R3HDM1: variants seen among roughly 807,000 people sequenced by gnomAD.
R3HDM1 encodes the protein R3H domain containing 1.
Under a neutral mutation model 141.1 loss-of-function variants are expected in R3HDM1, and 46 were observed. That is an observed-to-expected ratio of 0.33 (90% CI 0.26 to 0.42). The LOEUF is 0.42. R3HDM1 is among the 10% of genes least tolerant of loss of function. R3HDM1 has a pLI of 1.00. For missense variants in R3HDM1, 1,184 were observed against 1,368.3 expected, an observed-to-expected ratio of 0.87 and a Z score of 2.12; for synonymous variants, 435 against 472.9, an observed-to-expected ratio of 0.92 and a Z score of 1.04.
Position 135,661,300 on chromosome 2 carries a change from T to TA in R3HDM1, c.2060dup (p.Tyr687Ter). The change falls in exon 19 of 27, where the codon TAT becomes TAAT. Residue 687 changes from tyrosine to a stop codon, truncating the protein, a stop_gained and frameshift_variant. Transcript: ENST00000683871. LOFTEE classifies it high-confidence loss of function. ...AGCCTGTTATTGCGCTCCAGGCCAC[T>TA]ATCACTCCAGCCAACCTCAGTATCG... ...MPACYCAPGH[Y>*]HSSQPQYRPV... 6.2e-7 allele frequency: 1 copy of TA among 1,614,136 alleles called. No individual in the cohort carries two copies. The highest frequency in any genetic ancestry group is 8.5e-7 in the Non-Finnish European group (1 of 1,179,974).
intron 1 of R3HDM1, among the ~76,000 whole-genome samples, chr2:135,554,976 A>G (rs902174889): frequency 2.0e-5 from 3 of 152,172 alleles, no homozygotes; most frequent in Admixed American, 6.5e-5. Flanking sequence ...TTGATGACAC[A>G]CACTCCTGCT....
At chr2:135,679,820 C>A (rs915500040) in intron 20 of R3HDM1, among the ~76,000 whole-genome samples, 2 of 152,208 alleles carry the variant, frequency 1.3e-5, no homozygotes, top group African/African-American at 4.8e-5. Context: ...TGGCTCACTC[C>A]TGTAATCCCA....
Position 135,554,166 on chromosome 2 carries a change from TC to T in R3HDM1, c.-250+22536del, listed in dbSNP as rs1314350683. On this transcript the variant is annotated intron_variant, in intron 1 of 26. Transcript: ENST00000683871. The stretch of plus-strand genomic sequence containing the variant: ...AAAGAAACCCCATACCCATTAGCAG[TC>T]CCTTCCACATTCTCCCTCTTCCCCA... Among the ~76,000 whole-genome samples the T allele has an allele frequency of 1.0e-3, 153 of 152,318 alleles. 1 individual carries two copies. Among genetic ancestry groups the T allele is most frequent in the African/African-American group, 3.5e-3 (145 of 41,574 alleles).
chr2:135,586,763 T>C, intron 1 of R3HDM1: 5 of 985,328 alleles, frequency 5.1e-6, no homozygotes, highest in Non-Finnish European at 6.0e-6. Flanking sequence ...ACATGTTTGA[T>C]ATTTCTTGTA....
At chr2:135,546,044 C>T (rs760619125) in intron 1 of R3HDM1, among the ~76,000 whole-genome samples, 1 of 152,200 alleles carries the variant, frequency 6.6e-6, no homozygotes, top group Non-Finnish European at 1.5e-5. Context: ...AGATGCCTGG[C>T]TCATGCCTTT....
intron 1 of R3HDM1, among the ~76,000 whole-genome samples, chr2:135,580,602 A>G (rs1377720007): frequency 1.3e-5 from 2 of 151,954 alleles, no homozygotes; most frequent in African/African-American, 2.4e-5. Context: ...TGTACATGTC[A>G]CTCTCCTAAT....
chr2:135,723,867 T>G, intron 26 of R3HDM1, 70 bp from the exon 27 acceptor site: 4 of 1,120,878 alleles, frequency 3.6e-6, no homozygotes, highest in Non-Finnish European at 5.2e-6. Context: ...CATATTTGGG[T>G]CTGCAGTGCT....
At chr2:135,658,009 T>C (rs1404377785) in intron 18 of R3HDM1, among the ~76,000 whole-genome samples, 1 of 152,214 alleles carries the variant, frequency 6.6e-6, no homozygotes, top group African/African-American at 2.4e-5. Flanking sequence ...ACCTAGGTTA[T>C]ATGGTATAGC....
chr2:135,650,640 AT>A, intron 17 of R3HDM1: 5 of 982,584 alleles, frequency 5.1e-6, no homozygotes, highest in South Asian at 4.7e-5. Flanking sequence ...TCATAGGTAC[AT>A]TTTTTTTCCT....
intron 1 of R3HDM1, among the ~76,000 whole-genome samples, chr2:135,567,157 T>A (rs1702978964): frequency 6.6e-6 from 1 of 152,168 alleles, no homozygotes; most frequent in Non-Finnish European, 1.5e-5. Context: ...ATGAATTTTT[T>A]GCAGTAACTG....
At position 135,625,343 on chromosome 2, in the gene R3HDM1, G is replaced by A. The variant is rs141143472; in HGVS notation, c.497+2611G>A. Among the ~76,000 whole-genome samples the A allele has an allele frequency of 6.2e-4, 94 of 152,244 alleles. 1 individual carries two copies. The East Asian group carries it at 0.016, about 26-fold the overall frequency. Reference sequence around the variant, plus strand: ...GCCTGTAATCCTAGCTACTTGGGAGGCTGAAGCAGGAGAACTGCTTGAATC... The same window carrying A: ...GCCTGTAATCCTAGCTACTTGGGAGACTGAAGCAGGAGAACTGCTTGAATC... On this transcript the variant is annotated intron_variant, in intron 7 of 26. Coordinates refer to ENST00000683871, the MANE Select transcript of R3HDM1 (RefSeq NM_001378107.1).
At position 135,558,206 on chromosome 2, in the gene R3HDM1, A is replaced by G. The variant is rs1280451246; in HGVS notation, c.-250+26573A>G. ...GTATACAGTGATGGAATTGTTTCGT[A>G]TCTGCACTGCTCAACATGGTGGCCA... On this transcript the variant is annotated intron_variant, in intron 1 of 26. Transcript: ENST00000683871. Among the ~76,000 whole-genome samples, 6 of 152,356 alleles carry G rather than the reference A, an allele frequency of 3.9e-5. No homozygotes were observed. In the South Asian group the frequency reaches 6.2e-4, roughly 16 times the overall value.
intron 1 of R3HDM1, chr2:135,597,183 C>T (rs919377298): frequency 1.0e-6 from 1 of 972,796 alleles, no homozygotes; most frequent in Non-Finnish European, 1.2e-6. Context: ...TTATAATGTC[C>T]TCCTAAAATT....
intron 23 of R3HDM1, among the ~76,000 whole-genome samples, chr2:135,710,434 A>G (rs1012360988): frequency 5.3e-5 from 8 of 152,206 alleles, no homozygotes; most frequent in African/African-American, 1.9e-4. Context: ...CCTGACCAAC[A>G]TGGTGAAATC....
In R3HDM1 at chr2:135,557,506, A is replaced by G. The variant is rs79565686; in HGVS notation, c.-250+25873A>G. ...AGAGGCAGCCAGGTTCAGGTCTCAG[A>G]TGGTGTAATCCGAGTCTTATTTCTT... On this transcript the variant is annotated intron_variant, in intron 1 of 26. Transcript: ENST00000683871. Among the ~76,000 whole-genome samples the G allele has an allele frequency of 2.9e-3, 445 of 152,330 alleles. 2 individuals are homozygous for G. Among genetic ancestry groups the G allele is most frequent in the African/African-American group, 0.01 (421 of 41,568 alleles).
intron 21 of R3HDM1, among the ~76,000 whole-genome samples, chr2:135,698,774 A>C (rs543611707): frequency 4.8e-4 from 73 of 152,236 alleles, no homozygotes; most frequent in African/African-American, 1.7e-3. Context: ...AGCCCGAGGA[A>C]GAGAAGAGTG....
intron 1 of R3HDM1, among the ~76,000 whole-genome samples, chr2:135,589,369 T>A (rs1708692021): frequency 6.6e-6 from 1 of 152,184 alleles, no homozygotes; most frequent in African/African-American, 2.4e-5. Flanking sequence ...TGCATTCTTT[T>A]GATGTCTCTC....
chr2:135,702,315 G>C (rs938102249), intron 21 of R3HDM1, among the ~76,000 whole-genome samples: 1 of 151,302 alleles, frequency 6.6e-6, no homozygotes, highest in African/African-American at 2.4e-5. Context: ...CTGAGGTCAG[G>C]AGTTTTGAGA....
intron 24 of R3HDM1, among the ~76,000 whole-genome samples, chr2:135,716,719 C>T (rs12463480): frequency 6.6e-6 from 1 of 152,020 alleles, no homozygotes; most frequent in East Asian, 1.9e-4. Context: ...TTTGGGAGGC[C>T]CAGGCAGGTG....
Sources: gnomAD v4.1 joint callset for allele counts (sites outside exome capture counted in the v4.1 genomes callset) on GRCh38, gnomAD v4.1.1 for gene constraint, MANE v1.5 for transcripts, NCBI Gene and HGNC (gene_info 2026-07-23, HGNC 2026-07-21) for gene names.